Variants in SH3PXD2A observed in about 807,000 individuals in gnomAD.
SH3PXD2A encodes the protein SH3 and PX domain-containing protein 2A.
Under a neutral mutation model 115.2 loss-of-function variants are expected in SH3PXD2A, and 32 were observed. The ratio of observed to expected loss-of-function variants is 0.28; its 90% CI spans 0.21 to 0.37. SH3PXD2A has a LOEUF of 0.37. Among genes scored for constraint, SH3PXD2A ranks in the 10% least tolerant of loss-of-function variants. SH3PXD2A has a pLI of 1.00. For missense variants in SH3PXD2A, 1,328 were observed against 1,498.7 expected, an observed-to-expected ratio of 0.89 and a Z score of 1.88; for synonymous variants, 610 against 629.1, an observed-to-expected ratio of 0.97 and a Z score of 0.45.
intron 2 of SH3PXD2A, among the ~76,000 whole-genome samples, chr10:103,787,329 A>C (rs2038989937): frequency 6.6e-6 from 1 of 152,236 alleles, no homozygotes; most frequent in Non-Finnish European, 1.5e-5. Flanking sequence ...AGGCAGCAGC[A>C]GACTTTTCTC....
At chr10:103,636,232 C>T (rs571789806) in intron 8 of SH3PXD2A, among the ~76,000 whole-genome samples, 1 of 152,136 alleles carries the variant, frequency 6.6e-6, no homozygotes, top group East Asian at 1.9e-4. Context: ...CATAGTGAAA[C>T]CCCGTCTCTA....
At chr10:103,840,491 C>T (rs2039586630) in intron 1 of SH3PXD2A, among the ~76,000 whole-genome samples, 1 of 152,222 alleles carries the variant, frequency 6.6e-6, no homozygotes, top group Non-Finnish European at 1.5e-5. Flanking sequence ...GCTTTTGTTC[C>T]CTCACCCTGA....
At chr10:103,683,166 C>T (rs947293052) in intron 6 of SH3PXD2A, among the ~76,000 whole-genome samples, 2 of 151,988 alleles carry the variant, frequency 1.3e-5, no homozygotes, top group Non-Finnish European at 2.9e-5. Flanking sequence ...TCAACACCAG[C>T]CTGGGCAACA....
intron 5 of SH3PXD2A, among the ~76,000 whole-genome samples, chr10:103,723,327 C>G (rs548521128): frequency 2.5e-4 from 38 of 152,340 alleles, no homozygotes; most frequent in Non-Finnish European, 4.6e-4. Context: ...CCCCAACCCT[C>G]TCTCTTACCC....
chr10:103,842,170 A>G (rs1255689727), intron 1 of SH3PXD2A, among the ~76,000 whole-genome samples: 1 of 151,198 alleles, frequency 6.6e-6, no homozygotes, highest in Non-Finnish European at 1.5e-5. Context: ...CATCACCAAC[A>G]TGCCTGTCTC....
chr10:103,699,299 T>C (rs1443710863), intron 5 of SH3PXD2A, among the ~76,000 whole-genome samples: 2 of 152,138 alleles, frequency 1.3e-5, no homozygotes, highest in Non-Finnish European at 2.9e-5. Flanking sequence ...CCAATGAGCA[T>C]TTTAAGAAGA....
At chr10:103,712,093 C>G (rs2038053843) in intron 5 of SH3PXD2A, among the ~76,000 whole-genome samples, 1 of 151,944 alleles carries the variant, frequency 6.6e-6, no homozygotes, top group African/African-American at 2.4e-5. Context: ...AAACCTCCCT[C>G]TGGGATCTTT....
At chr10:103,813,970 A>G (rs2039296729) in intron 1 of SH3PXD2A, among the ~76,000 whole-genome samples, 1 of 150,698 alleles carries the variant, frequency 6.6e-6, no homozygotes, top group Non-Finnish European at 1.5e-5. Flanking sequence ...ACTAAGCTGA[A>G]CCAACATCAA....
intron 7 of SH3PXD2A, chr10:103,661,663 T>TCGGG: frequency 1.0e-6 from 1 of 985,184 alleles, no homozygotes; most frequent in Non-Finnish European, 1.2e-6. Flanking sequence ...CCCTGCTCCC[T>TCGGG]CGGGCGGGAG....
chr10:103,647,669 A>G (rs1317377133), intron 8 of SH3PXD2A, among the ~76,000 whole-genome samples: 2 of 152,156 alleles, frequency 1.3e-5, no homozygotes, highest in African/African-American at 4.8e-5. Context: ...CTGGATGCTC[A>G]TTCTCCCCAT....
rs1234058453 is a variant in SH3PXD2A, at chr10:103,598,444, CG to C, written c.*3371del. ...GCAATAAAAGAAAAAGGTCTTGAAA[CG>C]GAAAGGAAAACAAAGCACCAAATGC... On this transcript the variant is annotated 3_prime_UTR_variant, in exon 15 of 15. Coordinates refer to ENST00000369774, the MANE Select transcript of SH3PXD2A (RefSeq NM_001394015.1). 6.6e-6 allele frequency: 1 copy of C among 152,548 alleles called. No homozygotes were observed. Among genetic ancestry groups the C allele is most frequent in the Non-Finnish European group, 1.5e-5 (1 of 68,024 alleles). 9.4% of individuals were successfully genotyped at this position (152,548 alleles called of 1,614,324 possible).
chr10:103,644,585 CAA>C (rs34818569), intron 8 of SH3PXD2A, among the ~76,000 whole-genome samples: 9 of 102,506 alleles, frequency 8.8e-5, no homozygotes, highest in Admixed American at 2.1e-4. Context: ...GACCAAGTCT[CAA>C]AAAAAAAAAA....
chr10:103,754,407 C>T (rs1280094363), intron 3 of SH3PXD2A: 1 of 152,140 alleles, frequency 6.6e-6, no homozygotes, highest in African/African-American at 2.4e-5. Flanking sequence ...CCAGAGACAT[C>T]TTACAAGAGC....
At chr10:103,722,234 C>T (rs531117589) in intron 5 of SH3PXD2A, among the ~76,000 whole-genome samples, 14 of 149,244 alleles carry the variant, frequency 9.4e-5, no homozygotes, top group Middle Eastern at 3.4e-3. Flanking sequence ...AACCTGGGAG[C>T]CAAAAGTTGC....
chr10:103,614,939 G>A (rs1237982478), intron 11 of SH3PXD2A, among the ~76,000 whole-genome samples: 3 of 152,204 alleles, frequency 2.0e-5, no homozygotes, highest in South Asian at 2.1e-4. Context: ...AGCCAAGCTC[G>A]CCTCCCCAGG....
chr10:103,695,120 G>A (rs1261900107), intron 5 of SH3PXD2A, among the ~76,000 whole-genome samples: 1 of 152,164 alleles, frequency 6.6e-6, no homozygotes, highest in Non-Finnish European at 1.5e-5. Flanking sequence ...GCACTGAGGA[G>A]CTACCCTCTG....
rs889097796 is a variant in SH3PXD2A at position 103,714,556 on chromosome 10, G to A, written c.398+9714C>T. Among the ~76,000 whole-genome samples the A allele has an allele frequency of 2.2e-4, 33 of 152,166 alleles. 1 individual carries two copies. The highest frequency in any genetic ancestry group is 6.3e-4 in the African/African-American group (26 of 41,432). On this transcript the variant is annotated intron_variant, in intron 5 of 14. Coordinates refer to ENST00000369774, the MANE Select transcript of SH3PXD2A (RefSeq NM_001394015.1). ...GCCTGCAGAAGTCCTTGTTCCCCAC[G>A]GCCAATGCCCCTTTCAAGTGGGTTG...
intron 2 of SH3PXD2A, among the ~76,000 whole-genome samples, chr10:103,777,166 A>G (rs569967509): frequency 6.6e-6 from 1 of 152,370 alleles, no homozygotes; most frequent in South Asian, 2.1e-4. Context: ...TAAATGAGAT[A>G]ATGTAGGTAA....
At chr10:103,802,205 A>T (rs1003283325) in intron 1 of SH3PXD2A, among the ~76,000 whole-genome samples, 1 of 152,188 alleles carries the variant, frequency 6.6e-6, no homozygotes, top group South Asian at 2.1e-4. Context: ...AATGCCTTTC[A>T]GGAGACCAGA....
Sources: gnomAD v4.1 joint callset for allele counts (sites outside exome capture counted in the v4.1 genomes callset) on GRCh38, gnomAD v4.1.1 for gene constraint, MANE v1.5 for transcripts, NCBI Gene and HGNC (gene_info 2026-07-23, HGNC 2026-07-21) for gene names.